PITPNM3: variants seen among roughly 807,000 people sequenced by gnomAD.
PITPNM3 encodes membrane-associated phosphatidylinositol transfer protein 3.
Under a neutral mutation model 102.0 loss-of-function variants are expected in PITPNM3, and 26 were observed. That is an observed-to-expected ratio of 0.25 (90% confidence interval 0.19 to 0.35). The LOEUF (loss-of-function observed/expected upper bound fraction) is 0.35. Among genes scored for constraint, PITPNM3 ranks in the 10% least tolerant of loss-of-function variants. PITPNM3 has a pLI of 1.00. For missense variants in PITPNM3, 1,083 were observed against 1,346.1 expected (o/e 0.80, Z 3.06); for synonymous variants, 578 against 558.6 (o/e 1.03, Z -0.49).
chr17:6,543,181 A>G (rs1336792854), intron 1 of PITPNM3, among the ~76,000 whole-genome samples: 2 of 152,180 alleles, frequency 1.3e-5, no homozygotes, highest in African/African-American at 4.8e-5. Context: ...GCTGGAAGCC[A>G]TCCCCACTCC....
chr17:6,537,975 G>T lies in PITPNM3; in HGVS notation c.118+12C>A, dbSNP rs766987165. ...TCACCCAGCCAGTGATATGAGACTG[G>T]GGTTCACTCACCTCTGGCATCAAAG... On this transcript the variant is annotated intron_variant, in intron 2 of 19. Coordinates refer to ENST00000262483, the MANE Select transcript of PITPNM3 (RefSeq NM_031220.4). This position sits in a 1 kb window ranked among gnomAD's most constrained non-coding sequence, Gnocchi z 4.4. 3.1e-6 allele frequency: 5 copies of T among 1,604,160 alleles called. No individual in the cohort carries two copies. The highest frequency in any genetic ancestry group is 4.3e-6 in the Non-Finnish European group (5 of 1,171,360).
chr17:6,502,420 C>A (rs182417979), intron 4 of PITPNM3, among the ~76,000 whole-genome samples: 2 of 152,064 alleles, frequency 1.3e-5, no homozygotes, highest in South Asian at 4.1e-4. Flanking sequence ...CGTGCCATTG[C>A]GCTCCAGCCT....
In PITPNM3 at chr17:6,472,376, C is replaced by G. The variant is rs1905113428; in HGVS notation, c.1429+281G>C. On this transcript the variant is annotated intron_variant, in intron 11 of 19. Transcript: ENST00000262483. The surrounding 1 kb of genome is among the most constrained non-coding windows in gnomAD (Gnocchi z 4.1). The stretch of plus-strand genomic sequence containing the variant: ...AAAAAAAATAGATTGGAGCACGGAT[C>G]CCTGGACCCGCCATCAGCTCTGAAA... 6.6e-6 allele frequency among the ~76,000 whole-genome samples: 1 copy of G among 152,182 alleles called. No individual in the cohort carries two copies. The highest frequency in any genetic ancestry group is 6.5e-5 in the Admixed American group (1 of 15,286).
chr17:6,546,552 G>A (rs908871491), intron 1 of PITPNM3, among the ~76,000 whole-genome samples: 2 of 152,222 alleles, frequency 1.3e-5, no homozygotes, highest in Admixed American at 1.3e-4. Context: ...CACAACTCCT[G>A]TCTCAAACCA....
chr17:6,509,884 C>T (rs2309593), intron 3 of PITPNM3, among the ~76,000 whole-genome samples: 2 of 151,910 alleles, frequency 1.3e-5, no homozygotes, highest in African/African-American at 2.4e-5. Context: ...CCAAGAAGGC[C>T]CCTAACTCCT....
chr17:6,470,280 C>A lies in PITPNM3; in HGVS notation c.1753G>T (p.Val585Leu). 1 of 1,611,140 alleles carries A rather than the reference C, an allele frequency of 6.2e-7. No individual in the cohort carries two copies. The highest frequency in any genetic ancestry group is 8.5e-7 in the Non-Finnish European group (1 of 1,178,794). Residue 585 changes from valine (V) to leucine (L), a missense_variant, in exon 13 of 20, where the codon GTG becomes TTG. Physicochemically the swap from Val to Leu is conservative, Grantham distance 32 (BLOSUM62 1). Coordinates refer to ENST00000262483, the MANE Select transcript of PITPNM3 (RefSeq NM_031220.4). This position sits in a 1 kb window ranked among gnomAD's most constrained non-coding sequence, Gnocchi z 4.8. The stretch of plus-strand genomic sequence containing the variant: ...AGTACCTGTCTCAGGATGAAGGCCA[C>A]CACGTCTGTGGACTCCCAGTAACTG... ...HASYWESTDV[V>L]AFILRQVMRY... is the part of the protein sequence containing the mutation.
At position 6,461,487 on chromosome 17, in the gene PITPNM3, C is replaced by T. The variant is rs1165356576; in HGVS notation, c.2376G>A (p.Val792=). The T allele has an allele frequency of 6.2e-7, 1 of 1,614,104 alleles. No homozygotes were observed. The highest frequency in any genetic ancestry group is 2.2e-5 in the East Asian group (1 of 44,892). ...TGRPDMQKQR[V]VSWLSQHNFP... is the part of the protein sequence containing the mutation. ...AGTTGTGCTGGGACAGCCACGACACCACCCGCTGCTTCTGCATGTCCGGCC... is the reference window on the plus strand; with the variant it reads ...AGTTGTGCTGGGACAGCCACGACACTACCCGCTGCTTCTGCATGTCCGGCC... Residue 792 remains valine (V), a synonymous_variant, in exon 18 of 20, where the codon GTG becomes GTA. Transcript: ENST00000262483.
intron 1 of PITPNM3, among the ~76,000 whole-genome samples, chr17:6,543,632 C>T (rs1322265848): frequency 6.6e-6 from 1 of 152,262 alleles, no homozygotes; most frequent in Admixed American, 6.5e-5. Flanking sequence ...TGAACTGGAA[C>T]AGTCCCTGCC....
intron 9 of PITPNM3, among the ~76,000 whole-genome samples, chr17:6,475,893 A>C (rs1905279594): frequency 1.3e-5 from 2 of 152,204 alleles, no homozygotes; most frequent in Non-Finnish European, 2.9e-5. Context: ...TTAAACATTC[A>C]GAGATTTAAA....
intron 6 of PITPNM3, chr17:6,479,839 C>T (rs190924598): frequency 3.9e-5 from 6 of 152,258 alleles, no homozygotes; most frequent in Admixed American, 2.6e-4. Flanking sequence ...CCCTCCCAGC[C>T]GTGATTATGG....
chr17:6,540,960 C>T (rs893388519), intron 1 of PITPNM3, among the ~76,000 whole-genome samples: 6 of 152,194 alleles, frequency 3.9e-5, no homozygotes, highest in African/African-American at 7.2e-5. Context: ...CATCTGGCCC[C>T]GCCTTGGTTT....
intron 1 of PITPNM3, among the ~76,000 whole-genome samples, chr17:6,545,612 C>T (rs917323713): frequency 6.6e-6 from 1 of 152,238 alleles, no homozygotes; most frequent in South Asian, 2.1e-4. Context: ...ACACCACGCT[C>T]CTCTTCCTCT....
intron 16 of PITPNM3, 115 bp from the exon 17 acceptor site, chr17:6,463,996 C>T (rs1904632151): frequency 1.3e-6 from 2 of 1,547,722 alleles, no homozygotes; most frequent in South Asian, 2.3e-5. Flanking sequence ...TCAGAGAGCA[C>T]CTGGGTGGCA....
chr17:6,464,440 C>T, intron 15 of PITPNM3, 122 bp from the exon 16 acceptor site: 3 of 1,185,820 alleles, frequency 2.5e-6, no homozygotes, highest in Non-Finnish European at 3.7e-6. Context: ...CTCCTGCCAG[C>T]CTGGCTCCTC....
chr17:6,496,975 A>G (rs769579507), intron 4 of PITPNM3, among the ~76,000 whole-genome samples: 1 of 152,158 alleles, frequency 6.6e-6, no homozygotes, highest in Non-Finnish European at 1.5e-5. Flanking sequence ...CACACATACA[A>G]GTGCAAGGGC....
intron 3 of PITPNM3, among the ~76,000 whole-genome samples, chr17:6,504,754 T>C (rs995614475): frequency 1.3e-5 from 2 of 152,182 alleles, no homozygotes; most frequent in African/African-American, 4.8e-5. Flanking sequence ...GCCAGCTTCT[T>C]CACTTACGAA....
At chr17:6,534,309 A>G (rs1369131037) in intron 2 of PITPNM3, among the ~76,000 whole-genome samples, 1 of 152,126 alleles carries the variant, frequency 6.6e-6, no homozygotes, top group Non-Finnish European at 1.5e-5. Flanking sequence ...CCTGCCGAGG[A>G]GTTGTTATGG....
At position 6,491,310 on chromosome 17, in the gene PITPNM3, G is replaced by A. The variant is rs1906467727; in HGVS notation, c.275-7018C>T. ...TAAGAAACTATCTAAGGAACCCATA[G>A]CTCTCACCACTTGAGCTCAAGGAAT... On this transcript the variant is annotated intron_variant, in intron 4 of 19. Transcript: ENST00000262483. Among the ~76,000 whole-genome samples, 3 of 152,162 alleles carry A rather than the reference G, an allele frequency of 2.0e-5. No homozygotes were observed. In the South Asian group the frequency reaches 6.2e-4, roughly 32 times the overall value.
intron 3 of PITPNM3, among the ~76,000 whole-genome samples, chr17:6,522,247 C>A (rs2150638573): frequency 6.6e-6 from 1 of 151,500 alleles, no homozygotes; most frequent in Non-Finnish European, 1.5e-5. Context: ...TTCACAATCA[C>A]AAATGAGAAA....
Sources: gnomAD v4.1 joint callset for allele counts (sites outside exome capture counted in the v4.1 genomes callset) on GRCh38, gnomAD v4.1.1 for gene constraint, Gnocchi (gnomAD v3.1) non-coding constraint, MANE v1.5 for transcripts, NCBI Gene and HGNC (gene_info 2026-07-23, HGNC 2026-07-21) for gene names.